MYBL1: variants seen among roughly 807,000 people sequenced by gnomAD.
MYBL1 encodes the protein MYB proto-oncogene like 1.
In MYBL1, 17 loss-of-function variants were observed where a neutral mutation model predicts 96.3. The ratio of observed to expected loss-of-function variants is 0.18; its 90% confidence interval spans 0.12 to 0.26. The LOEUF is 0.26. MYBL1 is among the 10% of genes least tolerant of loss of function. The pLI is 1.00. For missense variants in MYBL1, 701 were observed against 882.9 expected, an observed-to-expected ratio of 0.79 and a Z score of 2.61; for synonymous variants, 282 against 292.7, an observed-to-expected ratio of 0.96 and a Z score of 0.37.
intron 8 of MYBL1, among the ~76,000 whole-genome samples, chr8:66,591,528 A>T (rs2129928091): frequency 6.6e-6 from 1 of 152,264 alleles, no homozygotes; most frequent in African/African-American, 2.4e-5. Flanking sequence ...TAGTTTTCAC[A>T]TGTGGTAACC....
At chr8:66,582,052 G>A (rs540819105) in intron 8 of MYBL1, among the ~76,000 whole-genome samples, 1 of 152,134 alleles carries the variant, frequency 6.6e-6, no homozygotes, top group African/African-American at 2.4e-5. Context: ...AAAGGAGAAA[G>A]ATAAAATAAT....
Position 66,613,055 on chromosome 8 carries a change from G to T in MYBL1, c.-217C>A. 2.2e-6 allele frequency: 1 copy of T among 447,750 alleles called. No individual in the cohort carries two copies. Among genetic ancestry groups the T allele is most frequent in the Non-Finnish European group, 3.7e-6 (1 of 267,890 alleles). 27.7% of individuals were successfully genotyped at this position (447,750 alleles called of 1,614,324 possible). A position where few individuals can be genotyped will look rare whatever the true frequency, so the allele number is the denominator to read the frequency against. On this transcript the variant is annotated 5_prime_UTR_variant, in exon 1 of 16. Transcript: ENST00000522677. ...ACCCCGGCCCGCAGCGCCGCTCTTAGCCCCGGCCCGGCCCGGCCAGGGATA... is the reference window on the plus strand; with the variant it reads ...ACCCCGGCCCGCAGCGCCGCTCTTATCCCCGGCCCGGCCCGGCCAGGGATA...
intron 10 of MYBL1, among the ~76,000 whole-genome samples, 174 bp downstream of exon 10, chr8:66,575,833 C>A (rs542662527): frequency 1.3e-5 from 2 of 152,246 alleles, no homozygotes; most frequent in South Asian, 4.1e-4. Flanking sequence ...TTTGCAGCTA[C>A]TACATTTTGT....
chr8:66,588,275 C>T (rs569509465), intron 8 of MYBL1, among the ~76,000 whole-genome samples: 1 of 147,042 alleles, frequency 6.8e-6, no homozygotes, highest in South Asian at 2.1e-4. Context: ...AAATGTGAAT[C>T]TCTTTTTTTT....
intron 8 of MYBL1, among the ~76,000 whole-genome samples, chr8:66,580,630 C>T (rs1419300545): frequency 2.0e-5 from 3 of 152,068 alleles, no homozygotes; most frequent in Non-Finnish European, 4.4e-5. Context: ...CTGGCTACTC[C>T]CTTCCTTCCA....
intron 8 of MYBL1, among the ~76,000 whole-genome samples, chr8:66,580,864 T>G (rs1245924293): frequency 6.6e-6 from 1 of 151,956 alleles, no homozygotes; most frequent in Non-Finnish European, 1.5e-5. Context: ...TCTTCTTTTT[T>G]TTTTTTTTTT....
chr8:66,576,304 G>C lies in MYBL1; in HGVS notation c.1173C>G (p.Thr391=). ...SDAAASPIKS[T]PVKLMRIQHN... is the part of the protein sequence containing the mutation. ...GCTGAATTCTCATTAATTTAACTGG[G>C]GTGGATTTGATAGGAGAAGCAGCAG... The change falls in exon 10 of 16, where the codon ACC becomes ACG. Residue 391 remains threonine, a synonymous_variant. Transcript: ENST00000522677. 3 of 1,613,898 alleles carry C rather than the reference G, an allele frequency of 1.9e-6. No homozygotes were observed. The highest frequency in any genetic ancestry group is 2.5e-6 in the Non-Finnish European group (3 of 1,179,854).
chr8:66,589,622 A>G (rs1318037451), intron 8 of MYBL1, among the ~76,000 whole-genome samples: 3 of 152,180 alleles, frequency 2.0e-5, no homozygotes, highest in Non-Finnish European at 4.4e-5. Context: ...CTGGAGCCAC[A>G]GGCATGTGCC....
intron 4 of MYBL1, 110 bp from the exon 5 acceptor site, chr8:66,597,660 A>C (rs1374536581): frequency 1.5e-6 from 1 of 682,616 alleles, no homozygotes; most frequent in Non-Finnish European, 2.3e-6. Flanking sequence ...CCACAACTAC[A>C]ATTTGTTAAA....
intron 4 of MYBL1, among the ~76,000 whole-genome samples, chr8:66,598,626 T>C (rs1378025449): frequency 6.6e-6 from 1 of 152,182 alleles, no homozygotes; most frequent in Non-Finnish European, 1.5e-5. Flanking sequence ...ATCTGTCTAA[T>C]CCTGGGACTC....
chr8:66,586,337 C>G (rs898318910), intron 8 of MYBL1, among the ~76,000 whole-genome samples: 3 of 152,092 alleles, frequency 2.0e-5, no homozygotes, highest in Admixed American at 2.0e-4. Flanking sequence ...TGAGACAAGG[C>G]ACCCAGCCAA....
At chr8:66,573,606 T>TA in intron 10 of MYBL1, 100 bp from the exon 11 acceptor site, 3 of 1,044,494 alleles carry the variant, frequency 2.9e-6, no homozygotes, top group Non-Finnish European at 3.9e-6. Context: ...TCATACCTCT[T>TA]AAAAAAAGCT....
chr8:66,595,357 G>A (rs574493386), intron 6 of MYBL1, among the ~76,000 whole-genome samples: 55 of 152,100 alleles, frequency 3.6e-4, no homozygotes, highest in South Asian at 8.3e-4. Context: ...AAGAATCAGA[G>A]TATTAGGAAA....
chr8:66,573,366 T>A lies in MYBL1; in HGVS notation c.1611A>T (p.Val537=). Residue 537 remains valine (V), a splice_region_variant and synonymous_variant, in exon 11 of 16, where the codon GTA becomes GTT. Transcript: ENST00000522677. Reference sequence around the variant, plus strand: ...ACAATTATTTAATACCTACTTACCCTACATTTTCCTTTTGATCTTTGGGAG... The same window carrying A: ...ACAATTATTTAATACCTACTTACCCAACATTTTCCTTTTGATCTTTGGGAG... ...ETTPKDQKEN[V]GFRTPTIRRS... 1.2e-6 allele frequency: 2 copies of A among 1,607,198 alleles called. No homozygotes were observed. The highest frequency in any genetic ancestry group is 1.7e-6 in the Non-Finnish European group (2 of 1,177,704).
chr8:66,600,094 A>G (rs1000523170), intron 3 of MYBL1, among the ~76,000 whole-genome samples: 2 of 152,232 alleles, frequency 1.3e-5, no homozygotes, highest in African/African-American at 4.8e-5. Context: ...ATTCACCAGA[A>G]TAAGAAATCC....
At chr8:66,607,411 T>A (rs974145976) in intron 1 of MYBL1, among the ~76,000 whole-genome samples, 1 of 152,212 alleles carries the variant, frequency 6.6e-6, no homozygotes, top group African/African-American at 2.4e-5. Flanking sequence ...AGTAAGCTCA[T>A]GAGTGCAGAC....
intron 1 of MYBL1, among the ~76,000 whole-genome samples, chr8:66,603,581 C>T (rs927814587): frequency 2.0e-5 from 3 of 151,972 alleles, no homozygotes; most frequent in African/African-American, 7.3e-5. Context: ...GCCTCAAACT[C>T]CCAGGCTCAG....
At chr8:66,597,595 G>T (rs1347433297) in intron 4 of MYBL1, 45 bp from the exon 5 acceptor site, 1 of 1,184,658 alleles carries the variant, frequency 8.4e-7, no homozygotes, top group African/African-American at 1.5e-5. Context: ...TACCTTCAAA[G>T]AATTTTAAAA....
At chr8:66,597,635 T>G in intron 4 of MYBL1, 85 bp from the exon 5 acceptor site, 1 of 819,140 alleles carries the variant, frequency 1.2e-6, no homozygotes, top group South Asian at 2.0e-5. Flanking sequence ...TTTAAATAAA[T>G]GCATTAAATC....
Sources: gnomAD v4.1 joint callset for allele counts (sites outside exome capture counted in the v4.1 genomes callset) on GRCh38, gnomAD v4.1.1 for gene constraint, MANE v1.5 for transcripts, NCBI Gene and HGNC (gene_info 2026-07-23, HGNC 2026-07-21) for gene names.